Variants in WWOX observed in about 807,000 individuals in gnomAD.
WWOX encodes the protein WW domain-containing oxidoreductase.
In WWOX, 69 loss-of-function variants were observed where a neutral mutation model predicts 46.2. The observed-to-expected ratio is 1.49, with a 90% CI of 1.23 to 1.82. The LOEUF (loss-of-function observed/expected upper bound fraction) is 1.82. WWOX is among the 40% of genes most tolerant of loss of function. The probability of loss-of-function intolerance (pLI) is 0.00; values close to 1 mark genes in which losing one functional copy is unlikely to be tolerated. For missense variants in WWOX, 919 were observed against 542.6 expected (o/e 1.69, Z -6.89); for synonymous variants, 359 against 202.6 (o/e 1.77, Z -6.56).
rs562646832 is a variant in WWOX, at chr16:79,113,836, G to T, written c.1057-97772G>T. Among the ~76,000 whole-genome samples the T allele has an allele frequency of 3.3e-5, 5 of 152,362 alleles. No individual in the cohort carries two copies. In the South Asian group the frequency reaches 1.0e-3, roughly 32 times the overall value. On this transcript the variant is annotated intron_variant, in intron 8 of 8. Transcript: ENST00000566780. The stretch of plus-strand genomic sequence containing the variant: ...ATTAAACACCAGATGCGAAGAGCTA[G>T]ACCCCCTTAATGACAATTTGCTTTC...
chr16:78,646,279 G>A (rs9927291), intron 8 of WWOX, among the ~76,000 whole-genome samples: 32,229 of 152,006 alleles, frequency 0.21, 3,497 homozygotes, highest in Middle Eastern at 0.22. Context: ...TTCCCAAAGT[G>A]CTGGGATTAT....
At chr16:78,167,555 T>C (rs543468141) in intron 5 of WWOX, 4 of 152,308 alleles carry the variant, frequency 2.6e-5, no homozygotes, top group Admixed American at 2.6e-4. Flanking sequence ...GCTCCAGATG[T>C]TTAAAATTAG....
intron 8 of WWOX, among the ~76,000 whole-genome samples, chr16:78,888,877 C>G (rs531055477): frequency 6.6e-6 from 1 of 152,104 alleles, no homozygotes; most frequent in African/African-American, 2.4e-5. Context: ...TTTCTGTTTA[C>G]TCGATCTAAT....
intron 8 of WWOX, among the ~76,000 whole-genome samples, chr16:78,799,398 G>A (rs1257224037): frequency 3.3e-5 from 5 of 152,160 alleles, no homozygotes; most frequent in African/African-American, 1.2e-4. Context: ...TGTGCTTGCT[G>A]GATTTTTAAG....
intron 8 of WWOX, among the ~76,000 whole-genome samples, chr16:78,587,655 G>A (rs1453861780): frequency 1.3e-5 from 2 of 152,154 alleles, no homozygotes; most frequent in Non-Finnish European, 2.9e-5. Context: ...AATTGGGTGT[G>A]GGGAGTGGAG....
chr16:78,945,146 G>C (rs2045924888), intron 8 of WWOX, among the ~76,000 whole-genome samples: 1 of 152,058 alleles, frequency 6.6e-6, no homozygotes, highest in Non-Finnish European at 1.5e-5. Flanking sequence ...CACCTCTGGA[G>C]TCCACCCTGG....
intron 8 of WWOX, among the ~76,000 whole-genome samples, chr16:79,039,559 A>G (rs934261427): frequency 9.2e-5 from 14 of 152,198 alleles, no homozygotes; most frequent in African/African-American, 3.1e-4. Context: ...TCCATGGTCG[A>G]GGTGTCCATT....
At chr16:78,540,514 T>C (rs991049785) in intron 8 of WWOX, among the ~76,000 whole-genome samples, 1 of 152,154 alleles carries the variant, frequency 6.6e-6, no homozygotes, top group Admixed American at 6.5e-5. Context: ...TAGTTTTATT[T>C]TGGACAGATA....
chr16:79,153,942 A>T (rs2050331323), intron 8 of WWOX, among the ~76,000 whole-genome samples: 1 of 140,418 alleles, frequency 7.1e-6, no homozygotes, highest in South Asian at 2.2e-4. Context: ...GACTGTCCAC[A>T]ATTTCTTGTC....
chr16:78,234,672 A>G (rs2037378912), intron 5 of WWOX, among the ~76,000 whole-genome samples: 5 of 152,188 alleles, frequency 3.3e-5, no homozygotes, highest in Admixed American at 3.3e-4. Context: ...TCAAAAGGTA[A>G]CTCTCATTTT....
At chr16:78,485,322 C>T (rs59916764) in intron 8 of WWOX, among the ~76,000 whole-genome samples, 25,649 of 151,866 alleles carry the variant, frequency 0.17, 2,813 homozygotes, top group African/African-American at 0.32. Flanking sequence ...GGTTGATGTT[C>T]GATTTTGGCT....
chr16:79,130,898 A>G (rs1354903298), intron 8 of WWOX, among the ~76,000 whole-genome samples: 2 of 152,152 alleles, frequency 1.3e-5, no homozygotes, highest in Non-Finnish European at 2.9e-5. Context: ...CTTGAAATAG[A>G]AAAGGGGGAA....
At chr16:78,120,647 G>A (rs1264465156) in intron 4 of WWOX, among the ~76,000 whole-genome samples, 1 of 151,430 alleles carries the variant, frequency 6.6e-6, no homozygotes, top group East Asian at 1.9e-4. Flanking sequence ...GAAATTGATT[G>A]TCTTAGCTTA....
At chr16:78,991,333 C>A (rs531904036) in intron 8 of WWOX, among the ~76,000 whole-genome samples, 150 of 152,246 alleles carry the variant, frequency 9.9e-4, no homozygotes, top group Non-Finnish European at 1.7e-3. Flanking sequence ...GTGGCTCACG[C>A]CTGTAATTCC....
At chr16:78,876,547 C>A (rs993829185) in intron 8 of WWOX, among the ~76,000 whole-genome samples, 1 of 151,708 alleles carries the variant, frequency 6.6e-6, no homozygotes, top group Non-Finnish European at 1.5e-5. Context: ...CTCATTCGCC[C>A]CTTTCTTCTC....
intron 8 of WWOX, among the ~76,000 whole-genome samples, chr16:79,096,377 T>A (rs867387453): frequency 3.9e-5 from 6 of 152,076 alleles, no homozygotes; most frequent in African/African-American, 1.4e-4. Flanking sequence ...CCTTCCCCCA[T>A]TGGCTCTGTT....
At chr16:79,077,089 A>T (rs918046758) in intron 8 of WWOX, among the ~76,000 whole-genome samples, 2 of 152,152 alleles carry the variant, frequency 1.3e-5, no homozygotes, top group Admixed American at 6.5e-5. Flanking sequence ...CATAGCAAAA[A>T]GGTGGCCGGA....
chr16:78,509,771 A>G (rs898410690), intron 8 of WWOX, among the ~76,000 whole-genome samples: 2 of 152,168 alleles, frequency 1.3e-5, no homozygotes, highest in African/African-American at 4.8e-5. Flanking sequence ...TGAAGCGTAC[A>G]GTGCCTATAA....
chr16:78,296,819 G>A (rs1287102939), intron 5 of WWOX, among the ~76,000 whole-genome samples: 1 of 152,122 alleles, frequency 6.6e-6, no homozygotes, highest in Non-Finnish European at 1.5e-5. Context: ...TGCACCTAAA[G>A]GAGTTTTGAG....
Sources: allele counts gnomAD v4.1 joint callset (sites outside exome capture counted in the v4.1 genomes callset), GRCh38; gene constraint gnomAD v4.1.1; transcripts MANE v1.5; gene names NCBI Gene and HGNC (gene_info 2026-07-23, HGNC 2026-07-21).